CNBD1: variants seen among roughly 807,000 people sequenced by gnomAD.
CNBD1 encodes cyclic nucleotide binding domain containing 1, also known as cyclic nucleotide-binding domain-containing protein 1.
In CNBD1, 71 loss-of-function variants were observed where a neutral mutation model predicts 54.4. The observed-to-expected ratio is 1.30, with a 90% CI of 1.08 to 1.59. The LOEUF (loss-of-function observed/expected upper bound fraction) is 1.59, where lower values mean the gene tolerates loss of function less well. CNBD1 is among the 40% of genes most tolerant of loss of function. The pLI is 0.00. For synonymous variants in CNBD1, 182 were observed against 170.7 expected (o/e 1.07, Z -0.51); for missense variants, 659 against 518.0 (o/e 1.27, Z -2.64).
intron 5 of CNBD1, among the ~76,000 whole-genome samples, chr8:87,229,343 G>T (rs2130818621): frequency 6.6e-6 from 1 of 151,824 alleles, no homozygotes; most frequent in Non-Finnish European, 1.5e-5. Context: ...TTGAATATTT[G>T]AATGAGGAAT....
intron 8 of CNBD1, among the ~76,000 whole-genome samples, chr8:87,296,620 C>CGCGT (rs1554576898): frequency 2.0e-5 from 3 of 150,264 alleles, no homozygotes; most frequent in Non-Finnish European, 4.4e-5. Context: ...TATATATACA[C>CGCGT]ATATATATAC....
intron 4 of CNBD1, among the ~76,000 whole-genome samples, chr8:87,020,244 G>T (rs1375720199): frequency 6.6e-6 from 1 of 151,698 alleles, no homozygotes; most frequent in African/African-American, 2.4e-5. Flanking sequence ...CAAACCCTAG[G>T]CCTGACTCCA....
At chr8:87,292,357 A>G (rs905858257) in intron 8 of CNBD1, among the ~76,000 whole-genome samples, 2 of 152,230 alleles carry the variant, frequency 1.3e-5, no homozygotes, top group Admixed American at 1.3e-4. Context: ...GAAGTTTGAA[A>G]GTCTGTTCTC....
chr8:86,868,849 A>G (rs1808400555), intron 1 of CNBD1, among the ~76,000 whole-genome samples: 1 of 152,158 alleles, frequency 6.6e-6, no homozygotes, highest in Admixed American at 6.6e-5. Flanking sequence ...ATGCAATTAA[A>G]GCAGCTAATT....
intron 4 of CNBD1, among the ~76,000 whole-genome samples, chr8:87,070,333 A>C (rs1215194059): frequency 6.6e-6 from 1 of 152,014 alleles, no homozygotes; most frequent in Non-Finnish European, 1.5e-5. Flanking sequence ...TGGGATGGGG[A>C]AGAGGAGAAA....
At chr8:86,899,640 A>G (rs1395138691) in intron 2 of CNBD1, among the ~76,000 whole-genome samples, 2 of 152,154 alleles carry the variant, frequency 1.3e-5, no homozygotes, top group Non-Finnish European at 2.9e-5. Flanking sequence ...AGAGTAATTT[A>G]TAGGCTTAGG....
chr8:87,170,917 G>A (rs1313948436), intron 4 of CNBD1, among the ~76,000 whole-genome samples: 2 of 152,110 alleles, frequency 1.3e-5, no homozygotes, highest in Non-Finnish European at 2.9e-5. Context: ...TGGTTTGCTA[G>A]TATTTACTTG....
intron 4 of CNBD1, among the ~76,000 whole-genome samples, chr8:87,141,766 C>A (rs1162982741): frequency 6.6e-6 from 1 of 151,968 alleles, no homozygotes; most frequent in African/African-American, 2.4e-5. Flanking sequence ...CCTATAGGAG[C>A]ACTCATAAAA....
chr8:87,425,193 TG>T (rs1352655102), intron 2 of CNBD1, among the ~76,000 whole-genome samples: 2 of 152,310 alleles, frequency 1.3e-5, no homozygotes, highest in Admixed American at 6.5e-5. Context: ...AACACTTCTC[TG>T]TATTGGTTAT....
chr8:87,206,573 C>T (rs893747514), intron 5 of CNBD1, among the ~76,000 whole-genome samples: 1 of 152,144 alleles, frequency 6.6e-6, no homozygotes, highest in African/African-American at 2.4e-5. Flanking sequence ...ATAGGTAAAA[C>T]AGCAGATAGT....
chr8:87,371,651 G>A (rs937601221), intron 10 of CNBD1, among the ~76,000 whole-genome samples: 23 of 151,972 alleles, frequency 1.5e-4, no homozygotes, highest in Admixed American at 1.4e-3. Flanking sequence ...GATCAAGTGG[G>A]CTTCATCCCT....
chr8:87,346,590 C>A (rs892719038), intron 8 of CNBD1, among the ~76,000 whole-genome samples: 1 of 151,644 alleles, frequency 6.6e-6, no homozygotes. Flanking sequence ...TATATATACA[C>A]AAAAATGTAT....
chr8:87,359,313 A>G (rs2130935063), intron 10 of CNBD1, among the ~76,000 whole-genome samples: 1 of 152,188 alleles, frequency 6.6e-6, no homozygotes, highest in Admixed American at 6.6e-5. Context: ...TTCATTCCAT[A>G]GTCTGTTCAT....
intron 8 of CNBD1, among the ~76,000 whole-genome samples, chr8:87,310,978 A>T (rs962817589): frequency 2.0e-5 from 3 of 152,134 alleles, no homozygotes; most frequent in Non-Finnish European, 4.4e-5. Context: ...GAAGCCTAAG[A>T]CCTCAAAATA....
Position 87,284,780 on chromosome 8 carries a change from A to G in CNBD1, c.874A>G (p.Lys292Glu). ...GACAGAAGACGATTGTGAAATTCTTAAAATCCCAGCAAAGGGATATGCAAA... is the reference window on the plus strand; with the variant it reads ...GACAGAAGACGATTGTGAAATTCTTGAAATCCCAGCAAAGGGATATGCAAA... ...VVTEDDCEIL[K>E]IPAKGYAKIK... The change falls in exon 7 of 11, where the codon AAA becomes GAA. Residue 292 changes from lysine to glutamate, a missense_variant. Physicochemically the swap from Lys to Glu is moderately conservative, Grantham distance 56. Transcript: ENST00000518476. 1 of 1,595,726 alleles carries G rather than the reference A, an allele frequency of 6.3e-7. No individual in the cohort carries two copies. Among genetic ancestry groups the G allele is most frequent in the East Asian group, 2.3e-5 (1 of 44,388 alleles).
At chr8:87,339,372 C>T (rs533306975) in intron 8 of CNBD1, among the ~76,000 whole-genome samples, 5 of 152,040 alleles carry the variant, frequency 3.3e-5, no homozygotes, top group East Asian at 3.9e-4. Flanking sequence ...GGTTTCCCTA[C>T]GCTCGCGTCA....
chr8:87,269,285 T>A (rs1423497306), intron 6 of CNBD1, among the ~76,000 whole-genome samples: 3 of 152,140 alleles, frequency 2.0e-5, no homozygotes, highest in Non-Finnish European at 4.4e-5. Context: ...TCTATGTATC[T>A]TCTTTTGTAC....
At chr8:87,078,413 A>G (rs1810919387) in intron 4 of CNBD1, among the ~76,000 whole-genome samples, 1 of 152,258 alleles carries the variant, frequency 6.6e-6, no homozygotes, top group African/African-American at 2.4e-5. Flanking sequence ...TAGATAAAAT[A>G]TCTATTTCAA....
chr8:87,251,754 G>A (rs981656043), intron 6 of CNBD1, among the ~76,000 whole-genome samples: 2 of 151,614 alleles, frequency 1.3e-5, no homozygotes, highest in African/African-American at 4.9e-5. Flanking sequence ...GTCATTTTAG[G>A]GCCACAATGG....
Sources: allele counts gnomAD v4.1 joint callset (sites outside exome capture counted in the v4.1 genomes callset), GRCh38; gene constraint gnomAD v4.1.1; transcripts MANE v1.5; gene names NCBI Gene and HGNC (gene_info 2026-07-23, HGNC 2026-07-21).